LOXL3: variants seen among roughly 807,000 people sequenced by gnomAD.
LOXL3 encodes lysyl oxidase like 3.
In LOXL3, 60 loss-of-function variants were observed where a neutral mutation model predicts 91.8. That is an observed-to-expected ratio of 0.65 (90% confidence interval 0.53 to 0.81). The LOEUF is 0.81. Among genes scored for constraint, LOXL3 ranks in the 30% least tolerant of loss-of-function variants. The pLI is 0.00. For missense variants in LOXL3, 874 were observed against 1,000.4 expected (o/e 0.87, Z 1.70); for synonymous variants, 355 against 387.6 (o/e 0.92, Z 0.99).
At chr2:74,546,454 A>C (rs1573019301) in intron 4 of LOXL3, among the ~76,000 whole-genome samples, 1 of 151,902 alleles carries the variant, frequency 6.6e-6, no homozygotes, top group South Asian at 2.1e-4. Flanking sequence ...TGCATCTCCT[A>C]CCATTTTCTT....
chr2:74,536,811 C>A lies in LOXL3; in HGVS notation c.810G>T (p.Arg270Ser), dbSNP rs746887803. The stretch of plus-strand genomic sequence containing the variant: ...CCACTGCAGGGCCCCCCCCAGGGCA[C>A]CTGGCGGTGTCATTGGCACGATAGA... ...LEFYRANDTA[R>S]CPGGGPAVVS... Residue 270 changes from arginine to serine, a missense_variant, in exon 5 of 14, where the codon AGG (arginine) becomes AGT (serine). Arg to Ser is a moderately radical substitution (Grantham distance 110). Coordinates refer to ENST00000264094, the MANE Select transcript of LOXL3 (RefSeq NM_032603.5). The surrounding 1 kb of genome is among the most constrained non-coding windows in gnomAD (Gnocchi z 4.5). The A allele has an allele frequency of 1.9e-6, 3 of 1,614,246 alleles. No homozygotes were observed. Among genetic ancestry groups the A allele is most frequent in the Non-Finnish European group, 2.5e-6 (3 of 1,180,036 alleles).
intron 4 of LOXL3, among the ~76,000 whole-genome samples, chr2:74,546,577 G>T (rs549480886): frequency 2.6e-5 from 4 of 152,104 alleles, no homozygotes; most frequent in Non-Finnish European, 5.9e-5. Context: ...TTTCATTTTT[G>T]ATCCCTCTTC....
intron 2 of LOXL3, among the ~76,000 whole-genome samples, chr2:74,551,839 G>A (rs1390583138): frequency 6.6e-6 from 1 of 152,206 alleles, no homozygotes; most frequent in Non-Finnish European, 1.5e-5. Flanking sequence ...ACTCATACTT[G>A]TCCTAGATTT....
chr2:74,552,195 G>T, intron 2 of LOXL3, 127 bp downstream of exon 2: 1 of 845,164 alleles, frequency 1.2e-6, no homozygotes, highest in Non-Finnish European at 1.8e-6. Context: ...TGTCATCCAT[G>T]GATTTACTCA....
At chr2:74,542,207 C>T (rs376477549) in intron 4 of LOXL3, among the ~76,000 whole-genome samples, 33 of 152,130 alleles carry the variant, frequency 2.2e-4, no homozygotes, top group Non-Finnish European at 3.8e-4. Flanking sequence ...ATGGGATGAT[C>T]GCTTGAGCCC....
At chr2:74,555,537 T>C, upstream of LOXL3, 1 of 1,613,690 alleles carries the variant, frequency 6.2e-7, no homozygotes, top group Non-Finnish European at 8.5e-7. The surrounding 1 kb of genome is among the most constrained non-coding windows in gnomAD (Gnocchi z 6.1). Flanking sequence ...CGCTCCCCGC[T>C]GAGGAAATTA....
chr2:74,544,115 C>T (rs374956695), intron 4 of LOXL3, among the ~76,000 whole-genome samples: 2 of 151,698 alleles, frequency 1.3e-5, no homozygotes, highest in East Asian at 3.9e-4. Context: ...ACCAGCCTGG[C>T]GAGCATGGTG....
intron 4 of LOXL3, 108 bp from the exon 5 acceptor site, chr2:74,537,036 G>T (rs1676072674): frequency 1.2e-6 from 1 of 824,890 alleles, no homozygotes; most frequent in East Asian, 2.7e-5. Context: ...ACCCTTTTGT[G>T]ACCATTTATC....
upstream of LOXL3, chr2:74,555,414 T>C: frequency 6.2e-7 from 1 of 1,611,274 alleles, no homozygotes; most frequent in Non-Finnish European, 8.5e-7. The surrounding 1 kb of genome is among the most constrained non-coding windows in gnomAD (Gnocchi z 6.1). Context: ...CGCCGTCCAG[T>C]GCAGCCTGGG....
rs374282063 is a variant in LOXL3, at chr2:74,534,279, A to G, written c.1939+37T>C. 4.2e-5 allele frequency: 67 copies of G among 1,614,048 alleles called. No individual in the cohort carries two copies. In the African/African-American group the frequency reaches 6.8e-4, roughly 16 times the overall value. ...TGTCAGTGTAAGGAAAGGCTGTGCA[A>G]TGGATACCATGTGGTTCACTTCAGT... On this transcript the variant is annotated intron_variant, in intron 11 of 13. Coordinates refer to ENST00000264094, the MANE Select transcript of LOXL3 (RefSeq NM_032603.5).
chr2:74,551,111 G>A (rs1676981680), intron 2 of LOXL3, among the ~76,000 whole-genome samples: 1 of 152,002 alleles, frequency 6.6e-6, no homozygotes, highest in Admixed American at 6.6e-5. Flanking sequence ...TTTTGTATTT[G>A]TAGTAGAGAC....
At chr2:74,543,557 CT>C (rs1466852000) in intron 4 of LOXL3, among the ~76,000 whole-genome samples, 3 of 152,102 alleles carry the variant, frequency 2.0e-5, no homozygotes, top group Non-Finnish European at 2.9e-5. Context: ...CAATCCATAT[CT>C]TTTGCTCCTC....
rs1411406145 is a variant in LOXL3, at chr2:74,549,802, G to A, written c.478-219C>T. 9 of 1,413,748 alleles carry A rather than the reference G, an allele frequency of 6.4e-6. No individual in the cohort carries two copies. In the East Asian group the frequency reaches 1.5e-4, roughly 24 times the overall value. 87.6% of individuals were successfully genotyped at this position (1,413,748 alleles called of 1,614,324 possible). On this transcript the variant is annotated intron_variant, in intron 3 of 13. Coordinates refer to ENST00000264094, the MANE Select transcript of LOXL3 (RefSeq NM_032603.5). This position sits in a 1 kb window ranked among gnomAD's most constrained non-coding sequence, Gnocchi z 5.3. ...GTGCTGTGCTCCCAGAGAGGATTCA[G>A]GGCACTAGGAAGGAGGCCCTCCCTG...
At chr2:74,555,010 G>C (rs1041950821), upstream of LOXL3, 6 of 1,365,678 alleles carry the variant, frequency 4.4e-6, no homozygotes, top group African/African-American at 7.3e-5. The surrounding 1 kb of genome is among the most constrained non-coding windows in gnomAD (Gnocchi z 6.1). Flanking sequence ...AGACGGAGTG[G>C]CATCGTCCTT....
intron 4 of LOXL3, among the ~76,000 whole-genome samples, chr2:74,541,934 T>G (rs1457786650): frequency 1.7e-4 from 26 of 152,160 alleles, no homozygotes. Context: ...TGATTTAAAT[T>G]TCTTCATTCA....
At chr2:74,542,535 C>A (rs761503410) in intron 4 of LOXL3, among the ~76,000 whole-genome samples, 2 of 152,008 alleles carry the variant, frequency 1.3e-5, no homozygotes, top group Non-Finnish European at 2.9e-5. Flanking sequence ...CACACACACA[C>A]ACACACACCC....
Position 74,549,998 on chromosome 2 carries a change from G to C in LOXL3, c.477+187C>G, listed in dbSNP as rs1404198540. Reference sequence around the variant, plus strand: ...AGGCTCATGCCAGGTTTAGCCCCTTGAATGTGAATGCTAAAAACCTGTTGG... The same window carrying C: ...AGGCTCATGCCAGGTTTAGCCCCTTCAATGTGAATGCTAAAAACCTGTTGG... On this transcript the variant is annotated intron_variant, in intron 3 of 13. Transcript: ENST00000264094. The surrounding 1 kb of genome is among the most constrained non-coding windows in gnomAD (Gnocchi z 5.3). 4.1e-6 allele frequency: 4 copies of C among 985,332 alleles called. No homozygotes were observed. The African/African-American group carries it at 7.0e-5, about 17-fold the overall frequency. 61.0% of individuals were successfully genotyped at this position (985,332 alleles called of 1,614,324 possible). A position where few individuals can be genotyped will look rare whatever the true frequency, so the allele number is the denominator to read the frequency against.
At chr2:74,555,137 T>A (rs369803198), upstream of LOXL3, 3 of 1,560,316 alleles carry the variant, frequency 1.9e-6, no homozygotes, top group African/African-American at 2.7e-5. This position sits in a 1 kb window ranked among gnomAD's most constrained non-coding sequence, Gnocchi z 6.1. Flanking sequence ...TCTCGAGCAC[T>A]CTCTCTCTCT....
intron 4 of LOXL3, among the ~76,000 whole-genome samples, chr2:74,540,543 C>G (rs2104411757): frequency 6.6e-6 from 1 of 152,284 alleles, no homozygotes; most frequent in East Asian, 1.9e-4. Flanking sequence ...CTGGGGAACA[C>G]AGGCCAGGCT....
Sources: allele counts gnomAD v4.1 joint callset (sites outside exome capture counted in the v4.1 genomes callset), GRCh38; gene constraint gnomAD v4.1.1; non-coding constraint Gnocchi (gnomAD v3.1); transcripts MANE v1.5; gene names NCBI Gene and HGNC (gene_info 2026-07-23, HGNC 2026-07-21).